Variants in STRIP2 observed in about 807,000 individuals in gnomAD.
The protein encoded by STRIP2 is striatin-interacting protein 2.
A neutral mutation model predicts 107.1 loss-of-function variants in STRIP2; 84 were observed. The ratio of observed to expected loss-of-function variants is 0.78; its 90% CI spans 0.66 to 0.94. The LOEUF (loss-of-function observed/expected upper bound fraction) is 0.94, where lower values mean the gene tolerates loss of function less well. STRIP2 is among the 40% of genes least tolerant of loss of function. The pLI is 0.00. For missense variants in STRIP2, 888 were observed against 1,034.2 expected (o/e 0.86, Z 1.94); for synonymous variants, 394 against 400.4 (o/e 0.98, Z 0.19).
rs773241529 is a variant in STRIP2, at chr7:129,451,724, G to T, written c.386G>T (p.Arg129Leu). 2.1e-5 allele frequency: 34 copies of T among 1,613,752 alleles called. No homozygotes were observed. Among genetic ancestry groups the T allele is most frequent in the Non-Finnish European group, 2.8e-5 (33 of 1,180,014 alleles). The part of the protein sequence containing the change: ...VSRERRLKVA[R>L]AVLYLAQGTF... ...AGGGAACGGCGGCTGAAGGTGGCCC[G>T]GGCTGTTCTCTACCTGGCCCAAGGT... is the stretch of plus-strand genomic sequence containing the variant. Residue 129 changes from arginine (R) to leucine (L), a missense_variant, in exon 4 of 21, where the codon CGG (arginine) becomes CTG (leucine). Coordinates refer to ENST00000249344, the MANE Select transcript of STRIP2 (RefSeq NM_020704.3).
chr7:129,441,476 G>A (rs1387355971), intron 2 of STRIP2, among the ~76,000 whole-genome samples: 1 of 152,216 alleles, frequency 6.6e-6, no homozygotes, highest in Non-Finnish European at 1.5e-5. Flanking sequence ...ATGCTCATCA[G>A]TAGGGAAATG....
chr7:129,462,436 C>A (rs1468971886), intron 13 of STRIP2, among the ~76,000 whole-genome samples: 2 of 152,154 alleles, frequency 1.3e-5, no homozygotes, highest in Non-Finnish European at 2.9e-5. Context: ...TGATAAAAGG[C>A]TTAGTTAATG....
chr7:129,477,379 A>G (rs1043574022), intron 18 of STRIP2, among the ~76,000 whole-genome samples: 2 of 152,190 alleles, frequency 1.3e-5, no homozygotes, highest in African/African-American at 4.8e-5. Flanking sequence ...TCCACTTTCC[A>G]TGAGGTATTT....
chr7:129,481,478 C>T lies in STRIP2; in HGVS notation c.2049+589C>T, dbSNP rs189421413. On this transcript the variant is annotated intron_variant, in intron 19 of 20. Coordinates refer to ENST00000249344, the MANE Select transcript of STRIP2 (RefSeq NM_020704.3). ...TGCCACTGCACTCCAGCGTGGGCAA[C>T]GGAGTGAGACTCCGTCTCAAAATAA... Among the ~76,000 whole-genome samples the T allele has an allele frequency of 1.1e-3, 174 of 151,854 alleles. 1 individual carries two copies. The highest frequency in any genetic ancestry group is 5.2e-3 in the East Asian group (27 of 5,156).
chr7:129,444,407 C>T (rs1339447559), intron 3 of STRIP2, among the ~76,000 whole-genome samples: 1 of 152,152 alleles, frequency 6.6e-6, no homozygotes, highest in Non-Finnish European at 1.5e-5. Flanking sequence ...CTATCCAGCA[C>T]AGGAGAAAGA....
chr7:129,458,526 T>A lies in STRIP2; in HGVS notation c.1274+76T>A. On this transcript the variant is annotated intron_variant, in intron 10 of 20. Transcript: ENST00000249344. This position sits in a 1 kb window ranked among gnomAD's most constrained non-coding sequence, Gnocchi z 4.6. The stretch of plus-strand genomic sequence containing the variant: ...AAGGCCCAAGATGGGGTAGTCTATG[T>A]ATTCAAGGCTCGTTAAGTTGGTCTG... The A allele has an allele frequency of 7.5e-7, 1 of 1,335,002 alleles. No individual in the cohort carries two copies. Among genetic ancestry groups the A allele is most frequent in the Non-Finnish European group, 1.0e-6 (1 of 979,396 alleles). The allele number at this position is 1,335,002 out of a possible 1,614,324, so 82.7% of individuals were successfully genotyped here.
chr7:129,442,501 T>G (rs939999429), intron 2 of STRIP2, among the ~76,000 whole-genome samples: 17 of 152,188 alleles, frequency 1.1e-4, no homozygotes, highest in African/African-American at 4.1e-4. Flanking sequence ...TTGTTTGACC[T>G]GGGTAGAAGA....
In STRIP2 at chr7:129,483,189, C is replaced by T. The variant is rs185908236; in HGVS notation, c.2254+143C>T. ...TGTGATTATAGGTCAGGCGCTGATA[C>T]ACCAAACTTTAAGGTTATGCCTCAA... On this transcript the variant is annotated intron_variant, in intron 20 of 20. Coordinates refer to ENST00000249344, the MANE Select transcript of STRIP2 (RefSeq NM_020704.3). This position sits in a 1 kb window ranked among gnomAD's most constrained non-coding sequence, Gnocchi z 5.1. 2.3e-5 allele frequency: 33 copies of T among 1,442,452 alleles called. No individual in the cohort carries two copies. The East Asian group carries it at 5.7e-4, about 25-fold the overall frequency. 89.4% of individuals were successfully genotyped at this position (1,442,452 alleles called of 1,614,324 possible). A position where few individuals can be genotyped will look rare whatever the true frequency, so the allele number is the denominator to read the frequency against.
rs1435845646 is a variant in STRIP2 at position 129,455,256 on chromosome 7, A to G, written c.719A>G (p.His240Arg). Residue 240 changes from histidine to arginine, a missense_variant, in exon 8 of 21, where the codon CAT becomes CGT. Physicochemically the swap from His to Arg is conservative, Grantham distance 29. Transcript: ENST00000249344. ...TCCTCACCCCTAGGCTTCTCCATGC[A>G]TAATGAGGAGCCTTTTGCCCTTTTA... Reference protein sequence around the residue: ...TFRTELSFSMHNEEPFALLLF... With the variant: ...TFRTELSFSMRNEEPFALLLF... 4 of 1,613,330 alleles carry G rather than the reference A, an allele frequency of 2.5e-6. No individual in the cohort carries two copies. The highest frequency in any genetic ancestry group is 2.5e-6 in the Non-Finnish European group (3 of 1,179,726).
chr7:129,439,787 T>C (rs1212792750), intron 1 of STRIP2, among the ~76,000 whole-genome samples: 1 of 152,184 alleles, frequency 6.6e-6, no homozygotes, highest in Non-Finnish European at 1.5e-5. Context: ...TGGCCCTTTA[T>C]TCAGACTTTC....
rs763670981 is a variant in STRIP2, at chr7:129,456,530, A to G, written c.926A>G (p.Gln309Arg). The G allele has an allele frequency of 6.2e-7, 1 of 1,614,090 alleles. No homozygotes were observed. Among genetic ancestry groups the G allele is most frequent in the South Asian group, 1.1e-5 (1 of 91,070 alleles). The change falls in exon 9 of 21, where the codon CAG becomes CGG. Residue 309 changes from glutamine (Q) to arginine (R), a missense_variant. By Grantham distance (43) the Gln-to-Arg change is conservative (BLOSUM62 1). Coordinates refer to ENST00000249344, the MANE Select transcript of STRIP2 (RefSeq NM_020704.3). ...GLPPLAEDSI[Q>R]VVKSMRAASP... is the part of the protein sequence containing the mutation. ...CCTCCACTGGCTGAAGACAGTATCC[A>G]GGTGGTGAAGAGCATGCGTGCTGCC... is the stretch of plus-strand genomic sequence containing the variant.
chr7:129,477,750 C>G (rs2151017467), intron 18 of STRIP2: 1 of 223,724 alleles, frequency 4.5e-6, no homozygotes, highest in Middle Eastern at 1.7e-3. Context: ...ATAGAAAAAA[C>G]ATGCCAACAA....
Position 129,458,706 on chromosome 7 carries a change from T to C in STRIP2, c.1275-6T>C. On this transcript the variant is annotated splice_polypyrimidine_tract_variant and splice_region_variant and intron_variant, in intron 10 of 20. Coordinates refer to ENST00000249344, the MANE Select transcript of STRIP2 (RefSeq NM_020704.3). The surrounding 1 kb of genome is among the most constrained non-coding windows in gnomAD (Gnocchi z 4.6). ...TCTGGGATTGGTCTTTCCACCATCC[T>C]CTCAGACAGAAGGACATTGAGCACT... is the stretch of plus-strand genomic sequence containing the variant. 2 of 1,614,182 alleles carry C rather than the reference T, an allele frequency of 1.2e-6. No individual in the cohort carries two copies. The highest frequency in any genetic ancestry group is 1.7e-5 in the Admixed American group (1 of 60,030).
At chr7:129,447,496 G>A (rs1276465910) in intron 3 of STRIP2, among the ~76,000 whole-genome samples, 6 of 152,196 alleles carry the variant, frequency 3.9e-5, no homozygotes, top group Admixed American at 3.3e-4. Context: ...GCTACTTCTT[G>A]CTCACTGGAT....
At chr7:129,481,008 A>C in intron 19 of STRIP2, 119 bp downstream of exon 19, 1 of 689,402 alleles carries the variant, frequency 1.5e-6, no homozygotes, top group East Asian at 2.8e-5. Flanking sequence ...TGAATGCTAC[A>C]TAAGATTTAG....
chr7:129,465,301 T>TA (rs905636849), intron 16 of STRIP2, among the ~76,000 whole-genome samples: 15 of 152,106 alleles, frequency 9.9e-5, no homozygotes, highest in African/African-American at 3.4e-4. Context: ...ACCTGAGTCC[T>TA]AAAAAAACAG....
intron 1 of STRIP2, among the ~76,000 whole-genome samples, chr7:129,437,413 G>A (rs536756184): frequency 6.6e-6 from 1 of 152,048 alleles, no homozygotes; most frequent in South Asian, 2.1e-4. Flanking sequence ...ACTCCAGCCT[G>A]GGTGAGAGGA....
chr7:129,458,824 G>T lies in STRIP2; in HGVS notation c.1340+47G>T, dbSNP rs11764716. On this transcript the variant is annotated intron_variant, in intron 11 of 20. Coordinates refer to ENST00000249344, the MANE Select transcript of STRIP2 (RefSeq NM_020704.3). The surrounding 1 kb of genome is among the most constrained non-coding windows in gnomAD (Gnocchi z 4.6). ...ACTGGCTACAGAGTGGTTCCTAGGGGGCCAGAGGAGCAGGTAGCTTGGAAT... is the reference window on the plus strand; with the variant it reads ...ACTGGCTACAGAGTGGTTCCTAGGGTGCCAGAGGAGCAGGTAGCTTGGAAT... 0.027 allele frequency: 42,462 copies of T among 1,580,308 alleles called. 694 individuals are homozygous for T. The highest frequency in any genetic ancestry group is 0.031 in the Non-Finnish European group (35,581 of 1,149,686).
At chr7:129,437,907 G>A (rs1013153369) in intron 1 of STRIP2, among the ~76,000 whole-genome samples, 3 of 150,320 alleles carry the variant, frequency 2.0e-5, no homozygotes, top group Admixed American at 6.7e-5. Context: ...CCGGGTTCAC[G>A]CCATTCTCCT....
Sources: allele counts gnomAD v4.1 joint callset (sites outside exome capture counted in the v4.1 genomes callset), GRCh38; gene constraint gnomAD v4.1.1; non-coding constraint Gnocchi (gnomAD v3.1); transcripts MANE v1.5; gene names NCBI Gene and HGNC (gene_info 2026-07-23, HGNC 2026-07-21).